The following MAN1A2 variants were observed in gnomAD, a reference collection of about 807,000 sequenced individuals.
MAN1A2 encodes mannosidase alpha class 1A member 2, also known as mannosyl-oligosaccharide 1,2-alpha-mannosidase IB.
A neutral mutation model predicts 75.7 loss-of-function variants in MAN1A2; 26 were observed. That is an observed-to-expected ratio of 0.34 (90% confidence interval 0.25 to 0.48). The LOEUF (loss-of-function observed/expected upper bound fraction) is 0.48, where lower values mean the gene tolerates loss of function less well. Ranked by LOEUF, MAN1A2 falls within the 20% of genes least tolerant of loss-of-function variation. The probability of loss-of-function intolerance (pLI) is 0.99; values close to 1 mark genes in which losing one functional copy is unlikely to be tolerated. For synonymous variants in MAN1A2, 247 were observed against 264.6 expected (o/e 0.93, Z 0.65); for missense variants, 562 against 775.5 (o/e 0.72, Z 3.27).
At chr1:117,505,811 ACT>A (rs1376711204) in intron 12 of MAN1A2, among the ~76,000 whole-genome samples, 1 of 151,398 alleles carries the variant, frequency 6.6e-6, no homozygotes, top group South Asian at 2.1e-4. Flanking sequence ...AAATTGGATA[ACT>A]CTATAAAAAT....
At chr1:117,476,924 A>G (rs1336731188) in intron 8 of MAN1A2, among the ~76,000 whole-genome samples, 1 of 152,072 alleles carries the variant, frequency 6.6e-6, no homozygotes, top group Non-Finnish European at 1.5e-5. Context: ...TGGGGATAGC[A>G]CTGAATCTGT....
intron 5 of MAN1A2, among the ~76,000 whole-genome samples, chr1:117,436,747 A>C (rs2101805285): frequency 6.6e-6 from 1 of 152,304 alleles, no homozygotes; most frequent in South Asian, 2.1e-4. Context: ...GGCCCTGTGC[A>C]TCATCCCAGT....
chr1:117,454,360 A>G (rs750178257), intron 6 of MAN1A2, among the ~76,000 whole-genome samples: 1 of 152,216 alleles, frequency 6.6e-6, no homozygotes, highest in Non-Finnish European at 1.5e-5. Context: ...GTGACTAGAA[A>G]AAGAAAAGTT....
intron 1 of MAN1A2, among the ~76,000 whole-genome samples, chr1:117,386,985 A>G (rs1315444582): frequency 6.6e-6 from 1 of 152,094 alleles, no homozygotes; most frequent in Non-Finnish European, 1.5e-5. Flanking sequence ...CAAATCATGT[A>G]TCTGATAAGG....
At chr1:117,399,022 A>G (rs1217686575) in intron 1 of MAN1A2, among the ~76,000 whole-genome samples, 1 of 152,234 alleles carries the variant, frequency 6.6e-6, no homozygotes, top group African/African-American at 2.4e-5. Context: ...TTGTGGTTCC[A>G]TCGCATGCTA....
At chr1:117,448,820 G>C (rs908996409) in intron 6 of MAN1A2, among the ~76,000 whole-genome samples, 1 of 152,068 alleles carries the variant, frequency 6.6e-6, no homozygotes, top group Non-Finnish European at 1.5e-5. Flanking sequence ...AGCATGAATT[G>C]TTTTATTGTG....
intron 3 of MAN1A2, 146 bp downstream of exon 3, chr1:117,405,791 A>G (rs914882134): frequency 3.5e-5 from 23 of 662,536 alleles, no homozygotes; most frequent in Middle Eastern, 8.0e-4. Context: ...TGCAAGTGTC[A>G]GTCACGATTA....
chr1:117,479,716 G>T lies in MAN1A2; in HGVS notation c.1168+13289G>T, dbSNP rs559642352. On this transcript the variant is annotated intron_variant, in intron 8 of 12. Transcript: ENST00000356554. ...ATCAGTGATGTTGAGCTTTGGATCA[G>T]TTTGATCAATTGATCAGTTTGGGAT... 3.9e-5 allele frequency among the ~76,000 whole-genome samples: 6 copies of T among 151,918 alleles called. No homozygotes were observed. In the South Asian group the frequency reaches 1.2e-3, roughly 32 times the overall value.
Position 117,442,326 on chromosome 1 carries a change from G to GTAACTCTATGTGGGTATTC in MAN1A2, c.950+3_950+21dup, listed in dbSNP as rs767846578. 46 of 1,574,996 alleles carry GTAACTCTATGTGGGTATTC rather than the reference G, an allele frequency of 2.9e-5. No homozygotes were observed. The highest frequency in any genetic ancestry group is 3.9e-5 in the Non-Finnish European group (45 of 1,144,660). On this transcript the variant is annotated splice_donor_variant, in intron 6 of 12. Coordinates refer to ENST00000356554, the MANE Select transcript of MAN1A2 (RefSeq NM_006699.5). LOFTEE classifies it high-confidence loss of function. ...CTTGGGCAATGGTGAATTTGAAAAG[G>GTAACTCTATGTGGGTATTC]TAACTCTATGTGGGTATTCTTATTC...
chr1:117,510,460 A>C (rs894355934), intron 12 of MAN1A2, among the ~76,000 whole-genome samples: 4 of 152,094 alleles, frequency 2.6e-5, no homozygotes, highest in Non-Finnish European at 5.9e-5. Flanking sequence ...TAGACAACAG[A>C]GTAAATCACT....
At chr1:117,485,929 G>A (rs1464525931) in intron 8 of MAN1A2, among the ~76,000 whole-genome samples, 1 of 151,952 alleles carries the variant, frequency 6.6e-6, no homozygotes, top group African/African-American at 2.4e-5. Flanking sequence ...CAGCCAGTCA[G>A]TATTCCCACT....
At chr1:117,513,943 A>G (rs1002825716) in intron 12 of MAN1A2, among the ~76,000 whole-genome samples, 1 of 152,222 alleles carries the variant, frequency 6.6e-6, no homozygotes, top group Non-Finnish European at 1.5e-5. Context: ...AAAGAAAGCT[A>G]GTAATAAATG....
chr1:117,378,073 G>A (rs1447152651), intron 1 of MAN1A2, among the ~76,000 whole-genome samples: 1 of 152,168 alleles, frequency 6.6e-6, no homozygotes, highest in African/African-American at 2.4e-5. Flanking sequence ...CCGTACTCCA[G>A]CCTGGGCGAC....
Position 117,525,384 on chromosome 1 carries a change from G to T in MAN1A2, c.*2427G>T. 8.4e-6 allele frequency: 2 copies of T among 237,690 alleles called. No individual in the cohort carries two copies. The highest frequency in any genetic ancestry group is 8.7e-6 in the Non-Finnish European group (1 of 115,324). The allele number at this position is 237,690 out of a possible 1,614,324, so 14.7% of individuals were successfully genotyped here. A position where few individuals can be genotyped will look rare whatever the true frequency, so the allele number is the denominator to read the frequency against. ...AGTGTCATGTTTTATTTTTGTTATA[G>T]ATTTTTAAATTATTTCCTTCAAGAT... On this transcript the variant is annotated 3_prime_UTR_variant, in exon 13 of 13. Coordinates refer to ENST00000356554, the MANE Select transcript of MAN1A2 (RefSeq NM_006699.5).
chr1:117,431,136 C>A (rs868738786), intron 5 of MAN1A2, among the ~76,000 whole-genome samples: 1 of 121,306 alleles, frequency 8.2e-6, no homozygotes, highest in African/African-American at 3.1e-5. Context: ...TGCAGTGAGC[C>A]GAGATGGCAG....
At chr1:117,456,139 A>G (rs1649574516) in intron 6 of MAN1A2, among the ~76,000 whole-genome samples, 1 of 152,086 alleles carries the variant, frequency 6.6e-6, no homozygotes, top group African/African-American at 2.4e-5. Context: ...ACTAAGGAAG[A>G]CATCTACAAA....
chr1:117,457,001 A>G lies in MAN1A2; in HGVS notation c.951-3488A>G, dbSNP rs1298927056. Among the ~76,000 whole-genome samples, 5 of 152,120 alleles carry G rather than the reference A, an allele frequency of 3.3e-5. 1 individual carries two copies. The highest frequency in any genetic ancestry group is 7.4e-5 in the Non-Finnish European group (5 of 67,960). On this transcript the variant is annotated intron_variant, in intron 6 of 12. Transcript: ENST00000356554. ...TGCTTTTGTCGGAATGCATTTCAATATCAGTGTGTTTGCAAGCTTTGTTTC... is the reference window on the plus strand; with the variant it reads ...TGCTTTTGTCGGAATGCATTTCAATGTCAGTGTGTTTGCAAGCTTTGTTTC...
chr1:117,508,123 G>A (rs1019575875), intron 12 of MAN1A2, among the ~76,000 whole-genome samples: 1 of 151,542 alleles, frequency 6.6e-6, no homozygotes, highest in Non-Finnish European at 1.5e-5. Context: ...GTACCTTAGT[G>A]TCTACACCCA....
intron 5 of MAN1A2, among the ~76,000 whole-genome samples, chr1:117,433,584 T>A (rs1308616075): frequency 4.6e-5 from 7 of 152,240 alleles, no homozygotes; most frequent in Non-Finnish European, 7.4e-5. Context: ...TATTCACTTA[T>A]ATAGTTTTTT....
Sources: allele counts gnomAD v4.1 joint callset (sites outside exome capture counted in the v4.1 genomes callset), GRCh38; gene constraint gnomAD v4.1.1; transcripts MANE v1.5; gene names NCBI Gene and HGNC (gene_info 2026-07-23, HGNC 2026-07-21).